Variants in NBN observed in about 807,000 individuals in gnomAD.
NBN encodes Nijmegen breakage syndrome 1 (nibrin).
A neutral mutation model predicts 90.8 loss-of-function variants in NBN; 88 were observed. That is an observed-to-expected ratio of 0.97 (90% CI 0.82 to 1.16). The LOEUF is 1.16. Ranked by LOEUF, NBN falls within the 50% of genes most tolerant of loss-of-function variation. The probability of loss-of-function intolerance (pLI) is 0.00; values close to 1 mark genes in which losing one functional copy is unlikely to be tolerated. For synonymous variants in NBN, 328 were observed against 295.1 expected, an observed-to-expected ratio of 1.11 and a Z score of -1.14; for missense variants, 894 against 869.6, an observed-to-expected ratio of 1.03 and a Z score of -0.35.
At chr8:89,956,240 C>T (rs1327173808) in intron 9 of NBN, among the ~76,000 whole-genome samples, 2 of 149,244 alleles carry the variant, frequency 1.3e-5, no homozygotes, top group East Asian at 3.9e-4. Flanking sequence ...GTCATTCAAG[C>T]AACTTCCAAA....
rs1341774597 is a variant in NBN at position 89,943,240 on chromosome 8, A to G, written c.2184+13T>C. 2 of 1,613,486 alleles carry G rather than the reference A, an allele frequency of 1.2e-6. No homozygotes were observed. The highest frequency in any genetic ancestry group is 2.2e-5 in the South Asian group (2 of 91,066). On this transcript the variant is annotated intron_variant, in intron 14 of 15. Coordinates refer to ENST00000265433, the MANE Select transcript of NBN (RefSeq NM_002485.5). ...CAATTTAAGCAAGTTTCTGGGCCTC[A>G]CTTCCTACTAACCTCCATTTCCTGC...
At chr8:89,963,344 C>T (rs1811087548) in intron 8 of NBN, among the ~76,000 whole-genome samples, 1 of 152,168 alleles carries the variant, frequency 6.6e-6, no homozygotes, top group Non-Finnish European at 1.5e-5. Context: ...TCTGGTAGTG[C>T]TGTTCTCTAA....
At chr8:89,958,940 C>T in intron 8 of NBN, 86 bp from the exon 9 acceptor site, 1 of 1,525,576 alleles carries the variant, frequency 6.6e-7, no homozygotes, top group Non-Finnish European at 9.0e-7. Context: ...TAGACTATAC[C>T]ATGCTGAGGG....
intron 9 of NBN, among the ~76,000 whole-genome samples, chr8:89,956,062 C>A (rs1007558793): frequency 6.6e-6 from 1 of 151,544 alleles, no homozygotes; most frequent in African/African-American, 2.4e-5. Context: ...AGATGGCAGA[C>A]TCGAGAATAG....
chr8:89,971,906 C>T (rs1288657800), intron 5 of NBN, among the ~76,000 whole-genome samples: 1 of 152,154 alleles, frequency 6.6e-6, no homozygotes, highest in Non-Finnish European at 1.5e-5. Flanking sequence ...GGAGAAATAT[C>T]AACAGATAAT....
intron 7 of NBN, among the ~76,000 whole-genome samples, chr8:89,967,590 G>A (rs1424545050): frequency 6.6e-6 from 1 of 152,202 alleles, no homozygotes; most frequent in East Asian, 1.9e-4. Context: ...GGTCAGGAAA[G>A]AAGGAAAAGC....
intron 3 of NBN, among the ~76,000 whole-genome samples, chr8:89,981,174 T>C (rs753181590): frequency 1.3e-5 from 2 of 152,148 alleles, no homozygotes; most frequent in East Asian, 1.9e-4. Context: ...TAACTTCCCA[T>C]GAAGTCCCTC....
At chr8:89,970,281 ATTG>A in intron 7 of NBN, 80 bp downstream of exon 7, 1 of 1,227,370 alleles carries the variant, frequency 8.1e-7, no homozygotes, top group East Asian at 2.4e-5. Context: ...CTACTTTTAC[ATTG>A]TTAGGTGAAA....
intron 1 of NBN, among the ~76,000 whole-genome samples, chr8:89,983,075 G>A (rs1812153679): frequency 6.6e-6 from 1 of 151,744 alleles, no homozygotes; most frequent in African/African-American, 2.4e-5. Context: ...GGTGTTTCAG[G>A]AGTAACAACA....
At position 89,958,926 on chromosome 8, in the gene NBN, T is replaced by C. The variant is rs149202485; in HGVS notation, c.995-72A>G. On this transcript the variant is annotated intron_variant, in intron 8 of 15. Coordinates refer to ENST00000265433, the MANE Select transcript of NBN (RefSeq NM_002485.5). ...AAGATGAACATCTGGTCACTTAAAA[T>C]TGTTAGACTATACCATGCTGAGGGG... is the stretch of plus-strand genomic sequence containing the variant. The C allele has an allele frequency of 3.5e-5, 55 of 1,571,962 alleles. No individual in the cohort carries two copies. The East Asian group carries it at 1.1e-3, about 30-fold the overall frequency.
intron 15 of NBN, among the ~76,000 whole-genome samples, chr8:89,936,636 C>T (rs1212756064): frequency 6.6e-6 from 1 of 152,164 alleles, no homozygotes; most frequent in South Asian, 2.1e-4. Context: ...AAACTTTAAT[C>T]TAGCCTTTTG....
intron 1 of NBN, 43 bp downstream of exon 1, chr8:89,984,482 G>A (rs905012846): frequency 1.9e-6 from 3 of 1,575,970 alleles, no homozygotes; most frequent in Non-Finnish European, 1.7e-6. Context: ...CGAGGCAGTC[G>A]CTACCGGGAA....
intron 13 of NBN, among the ~76,000 whole-genome samples, chr8:89,944,828 G>A (rs1810116132): frequency 6.6e-6 from 1 of 152,104 alleles, no homozygotes; most frequent in Non-Finnish European, 1.5e-5. Flanking sequence ...CCATCCACCT[G>A]CCTTGGCCTC....
chr8:89,977,858 T>A (rs1811839464), intron 5 of NBN, among the ~76,000 whole-genome samples: 1 of 152,214 alleles, frequency 6.6e-6, no homozygotes, highest in Non-Finnish European at 1.5e-5. Flanking sequence ...CTGGACTATG[T>A]GGCTTGCAAA....
Position 89,980,823 on chromosome 8 carries a change from C to T in NBN, c.391G>A (p.Ala131Thr), listed in dbSNP as rs2129909719. Residue 131 changes from alanine (A) to threonine (T), a missense_variant, in exon 4 of 16, where the codon GCT becomes ACT. Transcript: ENST00000265433. Reference sequence around the variant, plus strand: ...GTAAATCCTCCAAGTTGCAATATAGCTTGATTTAAAGCAGTTTTCCCAGAG... The same window carrying T: ...GTAAATCCTCCAAGTTGCAATATAGTTTGATTTAAAGCAGTTTTCCCAGAG... ...DVSGKTALNQAILQLGGFTVN... is the reference protein window; with the variant it reads ...DVSGKTALNQTILQLGGFTVN... The T allele has an allele frequency of 6.2e-7, 1 of 1,612,758 alleles. No homozygotes were observed. The highest frequency in any genetic ancestry group is 1.3e-5 in the African/African-American group (1 of 74,988).
At chr8:89,943,462 A>G (rs985486016) in intron 13 of NBN, 96 bp from the exon 14 acceptor site, 14 of 1,230,338 alleles carry the variant, frequency 1.1e-5, no homozygotes, top group African/African-American at 9.0e-5. Context: ...TAAATCATGC[A>G]TAAGTGCCAA....
chr8:89,970,370 A>C lies in NBN; in HGVS notation c.890T>G (p.Leu297Arg). Residue 297 changes from leucine (L) to arginine (R), a missense_variant, in exon 7 of 16, where the codon CTC (leucine) becomes CGC (arginine). Coordinates refer to ENST00000265433, the MANE Select transcript of NBN (RefSeq NM_002485.5). ...ATAAAGAATAATTCTATACCTTTGGAGCATATCCATTATTGACTGAATCCA... is the reference window on the plus strand; with the variant it reads ...ATAAAGAATAATTCTATACCTTTGGCGCATATCCATTATTGACTGAATCCA... ...KKWIQSIMDM[L>R]QRQGLRPIPE... 6.2e-7 allele frequency: 1 copy of C among 1,607,668 alleles called. No individual in the cohort carries two copies. The highest frequency in any genetic ancestry group is 8.5e-7 in the Non-Finnish European group (1 of 1,174,364).
At chr8:89,974,137 C>A (rs1334810541) in intron 5 of NBN, among the ~76,000 whole-genome samples, 3 of 151,808 alleles carry the variant, frequency 2.0e-5, no homozygotes, top group Non-Finnish European at 4.4e-5. Context: ...AATTCTGGCT[C>A]TAGAAACTGT....
intron 10 of NBN, among the ~76,000 whole-genome samples, chr8:89,954,571 C>T (rs1260859194): frequency 6.6e-6 from 1 of 150,380 alleles, no homozygotes; most frequent in Non-Finnish European, 1.5e-5. Flanking sequence ...GGTGAGAGGA[C>T]AGAAAAAGTT....
Sources: gnomAD v4.1 joint callset for allele counts (sites outside exome capture counted in the v4.1 genomes callset) on GRCh38, gnomAD v4.1.1 for gene constraint, MANE v1.5 for transcripts, NCBI Gene and HGNC (gene_info 2026-07-23, HGNC 2026-07-21) for gene names.